TRPC4: variants seen among roughly 807,000 people sequenced by gnomAD.
TRPC4 encodes short transient receptor potential channel 4.
Under a neutral mutation model 99.4 loss-of-function variants are expected in TRPC4, and 49 were observed. That is an observed-to-expected ratio of 0.49 (90% confidence interval 0.39 to 0.63). The LOEUF (loss-of-function observed/expected upper bound fraction) is 0.63. TRPC4 is among the 20% of genes least tolerant of loss of function. TRPC4 has a pLI of 0.00. For synonymous variants in TRPC4, 454 were observed against 425.9 expected (o/e 1.07, Z -0.81); for missense variants, 898 against 1,152.9 (o/e 0.78, Z 3.20).
At chr13:37,799,789 T>TCC (rs1957355741) in intron 1 of TRPC4, among the ~76,000 whole-genome samples, 1 of 152,228 alleles carries the variant, frequency 6.6e-6, no homozygotes, top group African/African-American at 2.4e-5. Context: ...CTTCAGGTGA[T>TCC]TTTATACTAT....
intron 1 of TRPC4, among the ~76,000 whole-genome samples, chr13:37,840,042 A>C (rs1958690497): frequency 6.6e-6 from 1 of 152,116 alleles, no homozygotes; most frequent in Non-Finnish European, 1.5e-5. Context: ...GCAAGCAGAA[A>C]ATAATATGCA....
chr13:37,848,105 G>A (rs920076936), intron 1 of TRPC4, among the ~76,000 whole-genome samples: 15 of 152,070 alleles, frequency 9.9e-5, no homozygotes, highest in African/African-American at 3.6e-4. Flanking sequence ...ACTTAAATGA[G>A]TTTGTCAGGA....
rs531864787 is a variant in TRPC4, at chr13:37,765,133, C to T, written c.378+17823G>A. On this transcript the variant is annotated intron_variant, in intron 2 of 10. Coordinates refer to ENST00000379705, the MANE Select transcript of TRPC4 (RefSeq NM_016179.4). The stretch of plus-strand genomic sequence containing the variant: ...ATCATATTCATTTCAAATATTTTAG[C>T]CAGGTTCTAATTTCTGTGTGGAGTT... Among the ~76,000 whole-genome samples, 3 of 151,082 alleles carry T rather than the reference C, an allele frequency of 2.0e-5. No homozygotes were observed. The East Asian group carries it at 5.9e-4, about 30-fold the overall frequency.
chr13:37,707,838 GCTAA>G (rs1178920208), intron 3 of TRPC4, among the ~76,000 whole-genome samples: 1 of 152,122 alleles, frequency 6.6e-6, no homozygotes, highest in African/African-American at 2.4e-5. Flanking sequence ...CAAAATTACA[GCTAA>G]CTGATTCATC....
intron 7 of TRPC4, among the ~76,000 whole-genome samples, chr13:37,654,552 A>G (rs1952159391): frequency 6.6e-6 from 1 of 152,202 alleles, no homozygotes; most frequent in African/African-American, 2.4e-5. Flanking sequence ...TTTAGATTCC[A>G]GAGTTTCAAA....
intron 3 of TRPC4, among the ~76,000 whole-genome samples, chr13:37,694,632 A>AT (rs949087234): frequency 3.3e-5 from 5 of 152,168 alleles, no homozygotes; most frequent in Admixed American, 2.0e-4. Flanking sequence ...TTTTTTATTT[A>AT]TTTTTTTTCT....
intron 6 of TRPC4, among the ~76,000 whole-genome samples, chr13:37,660,305 G>T (rs1438910608): frequency 1.3e-5 from 2 of 152,248 alleles, no homozygotes; most frequent in East Asian, 1.9e-4. Flanking sequence ...GTTAAACAGG[G>T]TCAAATGAAG....
chr13:37,790,755 C>A (rs146336265), intron 1 of TRPC4, among the ~76,000 whole-genome samples: 5 of 152,208 alleles, frequency 3.3e-5, no homozygotes, highest in South Asian at 4.1e-4. Context: ...TATCCTCCCC[C>A]CTTTGGTGAC....
At chr13:37,713,596 C>T (rs4941876) in intron 3 of TRPC4, among the ~76,000 whole-genome samples, 45,933 of 151,832 alleles carry the variant, frequency 0.3, 7,361 homozygotes, top group Admixed American at 0.39. Flanking sequence ...TATAAAGGGA[C>T]TAAAAGAACG....
intron 1 of TRPC4, among the ~76,000 whole-genome samples, chr13:37,817,697 C>A (rs544280744): frequency 2.6e-5 from 4 of 151,820 alleles, no homozygotes; most frequent in South Asian, 2.1e-4. Context: ...ACACATAGAA[C>A]AATGGAACAG....
chr13:37,753,857 G>A (rs1257488143), intron 2 of TRPC4, among the ~76,000 whole-genome samples: 1 of 152,076 alleles, frequency 6.6e-6, no homozygotes, highest in Non-Finnish European at 1.5e-5. Context: ...AGGGCCAATG[G>A]CCCTTCCCTC....
intron 1 of TRPC4, among the ~76,000 whole-genome samples, chr13:37,849,696 A>G (rs1339111849): frequency 6.6e-6 from 1 of 152,206 alleles, no homozygotes; most frequent in Non-Finnish European, 1.5e-5. Context: ...AAAACAAAAA[A>G]CACAAACTTG....
chr13:37,814,453 G>T (rs2139494515), intron 1 of TRPC4, among the ~76,000 whole-genome samples: 1 of 151,718 alleles, frequency 6.6e-6, no homozygotes, highest in African/African-American at 2.4e-5. Flanking sequence ...ACTAATGAAT[G>T]GATTCAGTAA....
chr13:37,764,788 TGATA>T (rs1956316182), intron 2 of TRPC4, among the ~76,000 whole-genome samples: 1 of 148,554 alleles, frequency 6.7e-6, no homozygotes, highest in Non-Finnish European at 1.5e-5. Context: ...CCCCTATCAT[TGATA>T]GATATAAATT....
intron 1 of TRPC4, among the ~76,000 whole-genome samples, chr13:37,804,591 T>C (rs1957483280): frequency 1.3e-5 from 2 of 152,168 alleles, no homozygotes; most frequent in Non-Finnish European, 1.5e-5. Flanking sequence ...ATTATTTTCA[T>C]GTCTCACTTT....
chr13:37,689,394 C>T (rs1198229416), intron 4 of TRPC4, among the ~76,000 whole-genome samples: 1 of 152,150 alleles, frequency 6.6e-6, no homozygotes. Flanking sequence ...GGATATGAGG[C>T]ACTCACAATT....
chr13:37,648,406 T>C (rs757254108), intron 8 of TRPC4, among the ~76,000 whole-genome samples: 2 of 152,184 alleles, frequency 1.3e-5, no homozygotes, highest in Non-Finnish European at 2.9e-5. Context: ...TTAGACAGCA[T>C]TGATATTGAT....
chr13:37,642,110 G>C (rs1396313082), intron 8 of TRPC4, among the ~76,000 whole-genome samples: 1 of 152,142 alleles, frequency 6.6e-6, no homozygotes, highest in Non-Finnish European at 1.5e-5. Context: ...AGCTTTGGCA[G>C]TAGAGAGGTT....
At chr13:37,671,065 G>A (rs568333560) in intron 5 of TRPC4, among the ~76,000 whole-genome samples, 4 of 152,236 alleles carry the variant, frequency 2.6e-5, no homozygotes, top group Middle Eastern at 3.4e-3. Flanking sequence ...GAAGGCAAGA[G>A]CTACCTCTTG....
Sources: allele counts gnomAD v4.1 joint callset (sites outside exome capture counted in the v4.1 genomes callset), GRCh38; gene constraint gnomAD v4.1.1; transcripts MANE v1.5; gene names NCBI Gene and HGNC (gene_info 2026-07-23, HGNC 2026-07-21).